Variants in ACADVL observed in about 807,000 individuals in gnomAD.
ACADVL encodes the protein acyl-CoA dehydrogenase very long chain, also known as very long-chain acyl-CoA dehydrogenase, mitochondrial.
Under a neutral mutation model 80.4 loss-of-function variants are expected in ACADVL, and 73 were observed. The observed-to-expected ratio is 0.91, with a 90% confidence interval of 0.75 to 1.10. The LOEUF (loss-of-function observed/expected upper bound fraction) is 1.10. Among genes scored for constraint, ACADVL ranks in the 50% least tolerant of loss-of-function variants. ACADVL has a pLI of 0.00. For missense variants in ACADVL, 878 were observed against 858.9 expected, an observed-to-expected ratio of 1.02 and a Z score of -0.28; for synonymous variants, 392 against 326.5, an observed-to-expected ratio of 1.20 and a Z score of -2.16.
At chr17:7,218,288 C>T (rs2142949429), upstream of ACADVL, 1 of 1,608,116 alleles carries the variant, frequency 6.2e-7, no homozygotes, top group Non-Finnish European at 8.5e-7. Flanking sequence ...ATGTCTGTCA[C>T]AGGAACAGAA....
intron 19 of ACADVL, 35 bp downstream of exon 19, chr17:7,224,919 T>C (rs754385044): frequency 5.6e-6 from 9 of 1,613,960 alleles, no homozygotes; most frequent in Non-Finnish European, 7.6e-6. Flanking sequence ...AGGTGAGGGC[T>C]GGAGGTGCAG....
chr17:7,221,706 G>A, intron 7 of ACADVL, 24 bp downstream of exon 7: 1 of 1,613,410 alleles, frequency 6.2e-7, no homozygotes, highest in African/African-American at 1.3e-5. Flanking sequence ...AGGAGAGCCA[G>A]GGATTGGGGG....
Position 7,224,709 on chromosome 17 carries a change from C to A in ACADVL, c.1746C>A (p.Leu582=). Residue 582 remains leucine, a synonymous_variant, in exon 18 of 20, where the codon CTC becomes CTA. Coordinates refer to ENST00000356839, the MANE Select transcript of ACADVL (RefSeq NM_000018.4). ...AIDLYAMVVV[L]SRASRSLSEG... is the part of the protein sequence containing the mutation. ...ACCTCTATGCCATGGTGGTGGTTCT[C>A]TCGAGGTGAGGAGGCAGGCAGGGAA... 6.3e-7 allele frequency: 1 copy of A among 1,589,914 alleles called. No individual in the cohort carries two copies. Among genetic ancestry groups the A allele is most frequent in the East Asian group, 2.3e-5 (1 of 43,344 alleles).
upstream of ACADVL, chr17:7,219,792 T>G (rs969979537): frequency 1.3e-6 from 2 of 1,505,466 alleles, no homozygotes; most frequent in Non-Finnish European, 1.8e-6. Context: ...CGCTTGGAGA[T>G]CCCTCTAAGT....
At position 7,222,277 on chromosome 17, in the gene ACADVL, G is replaced by C. The variant is rs202216257; in HGVS notation, c.853G>C (p.Glu285Gln). 12 of 1,614,108 alleles carry C rather than the reference G, an allele frequency of 7.4e-6. No individual in the cohort carries two copies. Among genetic ancestry groups the C allele is most frequent in the Admixed American group, 3.3e-5 (2 of 60,028 alleles). Reference protein sequence around the residue: ...VKEKITAFVVERGFGGITHGP... With the variant: ...VKEKITAFVVQRGFGGITHGP... ...GGAGAAGATCACAGCTTTTGTGGTG[G>C]AGAGGGGCTTCGGGGGCATTACCCA... Residue 285 changes from glutamate to glutamine, a missense_variant, in exon 9 of 20, where the codon GAG (glutamate) becomes CAG (glutamine). Coordinates refer to ENST00000356839, the MANE Select transcript of ACADVL (RefSeq NM_000018.4).
Position 7,224,170 on chromosome 17 carries a change from C to T in ACADVL, c.1459C>T (p.Leu487Phe). ...CMDKGKELSG[L>F]GSALKNPFGN... The stretch of plus-strand genomic sequence containing the variant: ...GGACAAAGGAAAGGAGCTCTCTGGG[C>T]TTGGCAGTGCTCTAAAGAATCCCTT... The change falls in exon 15 of 20, where the codon CTT becomes TTT. Residue 487 changes from leucine (L) to phenylalanine (F), a missense_variant. By Grantham distance (22) the Leu-to-Phe change is conservative. Coordinates refer to ENST00000356839, the MANE Select transcript of ACADVL (RefSeq NM_000018.4). 2.5e-6 allele frequency: 4 copies of T among 1,614,114 alleles called. No homozygotes were observed. Among genetic ancestry groups the T allele is most frequent in the African/African-American group, 1.3e-5 (1 of 75,024 alleles).
chr17:7,222,087 C>T lies in ACADVL; in HGVS notation c.752+6C>T. The T allele has an allele frequency of 6.2e-7, 1 of 1,614,186 alleles. No individual in the cohort carries two copies. Among genetic ancestry groups the T allele is most frequent in the South Asian group, 1.1e-5 (1 of 91,088 alleles). On this transcript the variant is annotated splice_donor_region_variant and intron_variant, in intron 8 of 19. Coordinates refer to ENST00000356839, the MANE Select transcript of ACADVL (RefSeq NM_000018.4). The stretch of plus-strand genomic sequence containing the variant: ...GGAAGCAAGCTTTGGATCAGGCAAC[C>T]TGCCTCCCATTTCTCCCCTTCTCCT...
chr17:7,220,074 G>A, intron 1 of ACADVL, 28 bp downstream of exon 1: 1 of 1,598,814 alleles, frequency 6.3e-7, no homozygotes, highest in African/African-American at 1.3e-5. Flanking sequence ...GGGACGGTGG[G>A]CAGCGGCCCT....
upstream of ACADVL, chr17:7,218,305 T>C (rs771221064): frequency 1.2e-6 from 2 of 1,602,950 alleles, no homozygotes; most frequent in African/African-American, 1.3e-5. Context: ...AGAACTGAGT[T>C]ACCTCCCCAC....
At chr17:7,219,007 G>T (rs1044100197), upstream of ACADVL, 4 of 742,830 alleles carry the variant, frequency 5.4e-6, no homozygotes. Context: ...CCACCATCTT[G>T]CTCCACACAC....
upstream of ACADVL, among the ~76,000 whole-genome samples, chr17:7,218,073 T>A (rs746011268): frequency 1.3e-5 from 2 of 150,402 alleles, no homozygotes; most frequent in African/African-American, 2.5e-5. Context: ...GGAGAGTGGG[T>A]ACAGGACCAC....
rs1240846419 is a variant in ACADVL at position 7,221,550 on chromosome 17, G to C, written c.490G>C (p.Val164Leu). The change falls in exon 7 of 20, where the codon GTG becomes CTG. Residue 164 changes from valine to leucine, a missense_variant. Physicochemically the swap from Val to Leu is conservative, Grantham distance 32. Coordinates refer to ENST00000356839, the MANE Select transcript of ACADVL (RefSeq NM_000018.4). Reference protein sequence around the residue: ...GLCNTQYARLVEIVGMHDLGV... With the variant: ...GLCNTQYARLLEIVGMHDLGV... ...GCTTCCCCTCCAGTACGCCCGTTTG[G>C]TGGAGATCGTGGGCATGCATGACCT... The C allele has an allele frequency of 1.2e-6, 2 of 1,614,050 alleles. No individual in the cohort carries two copies. The highest frequency in any genetic ancestry group is 2.7e-5 in the African/African-American group (2 of 74,926).
rs750199760 is a variant in ACADVL, at chr17:7,225,119, C to T, written c.*22C>T. On this transcript the variant is annotated 3_prime_UTR_variant, in exon 20 of 20. Transcript: ENST00000356839. ...CTGAATACTCCCGGCCAGGGCCTGTCCCAGTTATGTGCCTTCCCTCAAGCC... is the reference window on the plus strand; with the variant it reads ...CTGAATACTCCCGGCCAGGGCCTGTTCCAGTTATGTGCCTTCCCTCAAGCC... The T allele has an allele frequency of 5.6e-6, 9 of 1,613,906 alleles. No individual in the cohort carries two copies. The highest frequency in any genetic ancestry group is 1.1e-5 in the South Asian group (1 of 91,084).
rs1279679366 is a variant in ACADVL at position 7,223,057 on chromosome 17, C to A, written c.1078-76C>A. On this transcript the variant is annotated intron_variant, in intron 10 of 19. Transcript: ENST00000356839. Reference sequence around the variant, plus strand: ...TTGTATGCAAAACCCATCCCTCTGGCGCAAGCCCAGCCCCTCTCCTAGGGA... The same window carrying A: ...TTGTATGCAAAACCCATCCCTCTGGAGCAAGCCCAGCCCCTCTCCTAGGGA... 9 of 1,511,730 alleles carry A rather than the reference C, an allele frequency of 6.0e-6. 1 individual carries two copies. Among genetic ancestry groups the A allele is most frequent in the South Asian group, 1.1e-5 (1 of 88,636 alleles). 93.6% of individuals were successfully genotyped at this position (1,511,730 alleles called of 1,614,324 possible).
chr17:7,218,197 T>C (rs1597509403), upstream of ACADVL: 1 of 1,569,806 alleles, frequency 6.4e-7, no homozygotes, highest in Non-Finnish European at 8.7e-7. Context: ...CCTCCAGCCC[T>C]GCCTGCCCCT....
At chr17:7,218,730 C>T, upstream of ACADVL, 1 of 1,567,684 alleles carries the variant, frequency 6.4e-7, no homozygotes. Flanking sequence ...CTGTGCCCTT[C>T]ACCCCAGCCC....
chr17:7,223,865 G>A lies in ACADVL; in HGVS notation c.1322G>A (p.Gly441Asp), dbSNP rs2309689. 2.5e-5 allele frequency: 41 copies of A among 1,613,922 alleles called. No homozygotes were observed. The highest frequency in any genetic ancestry group is 3.5e-5 in the Non-Finnish European group (41 of 1,180,044). The stretch of plus-strand genomic sequence containing the variant: ...TGCATCCAAATCATGGGGGGTATGG[G>A]CTTCATGAAGGTACAGGACGGTCTT... ...DECIQIMGGM[G>D]FMKEPGVERV... Residue 441 changes from glycine (G) to aspartate (D), a missense_variant, in exon 13 of 20, where the codon GGC becomes GAC. Physicochemically the swap from Gly to Asp is moderately conservative, Grantham distance 94. Transcript: ENST00000356839.
intron 9 of ACADVL, 160 bp from the exon 10 acceptor site, chr17:7,222,507 C>A (rs2071278694): frequency 8.9e-7 from 1 of 1,120,644 alleles, no homozygotes; most frequent in Admixed American, 2.2e-5. Context: ...CATAGCCAGG[C>A]CTCCTTAGCC....
Position 7,224,211 on chromosome 17 carries a change from C to G in ACADVL, c.1500C>G (p.Leu500=). Residue 500 remains leucine, a synonymous_variant, in exon 15 of 20, where the codon CTC becomes CTG. Transcript: ENST00000356839. ...AGAATCCCTTTGGGAATGCTGGCCTCCTGCTAGGAGAGGCAGGCAAACAGC... is the reference window on the plus strand; with the variant it reads ...AGAATCCCTTTGGGAATGCTGGCCTGCTGCTAGGAGAGGCAGGCAAACAGC... ...ALKNPFGNAG[L]LLGEAGKQLR... is the part of the protein sequence containing the mutation. 1.2e-6 allele frequency: 2 copies of G among 1,614,044 alleles called. No homozygotes were observed. The highest frequency in any genetic ancestry group is 2.2e-5 in the South Asian group (2 of 91,080).
Sources: gnomAD v4.1 joint callset for allele counts (sites outside exome capture counted in the v4.1 genomes callset) on GRCh38, gnomAD v4.1.1 for gene constraint, MANE v1.5 for transcripts, NCBI Gene and HGNC (gene_info 2026-07-23, HGNC 2026-07-21) for gene names.